The following ADGRE3 variants were observed in gnomAD, a reference collection of about 807,000 sequenced individuals.
ADGRE3 encodes EGF-like module receptor 3.
ADGRE3 carries 88 observed loss-of-function variants against 80.1 expected under a neutral mutation model. That is an observed-to-expected ratio of 1.10 (90% CI 0.93 to 1.31). The LOEUF is 1.31. ADGRE3 is among the 40% of genes most tolerant of loss of function. ADGRE3 has a pLI of 0.00. For missense variants in ADGRE3, 715 were observed against 776.5 expected, an observed-to-expected ratio of 0.92 and a Z score of 0.94; for synonymous variants, 281 against 294.8, an observed-to-expected ratio of 0.95 and a Z score of 0.48.
chr19:14,617,247 T>C (rs151116645), downstream of ADGRE3, among the ~76,000 whole-genome samples: 1,137 of 151,754 alleles, frequency 7.5e-3, 16 homozygotes, highest in African/African-American at 0.027. Flanking sequence ...TTCTTTTCTT[T>C]TTTCTTTCTT....
the ADGRE3 span, among the ~76,000 whole-genome samples, chr19:14,607,449 C>T: frequency 6.6e-5 from 10 of 151,928 alleles, no homozygotes; most frequent in South Asian, 4.1e-4. Flanking sequence ...GTGATCTGCC[C>T]GCCTTGGCCT....
intron 10 of ADGRE3, among the ~76,000 whole-genome samples, chr19:14,640,897 C>T (rs550114936): frequency 9.9e-5 from 15 of 152,268 alleles, no homozygotes; most frequent in African/African-American, 1.7e-4. Flanking sequence ...TTTCGCCTCC[C>T]GCCATGATTC....
chr19:14,614,582 CT>C (rs879921980), downstream of ADGRE3, among the ~76,000 whole-genome samples: 168 of 143,650 alleles, frequency 1.2e-3, no homozygotes, highest in Non-Finnish European at 1.2e-3. Context: ...GCCCGCCAAT[CT>C]TTTTTTTTTT....
rs113352863 is a variant in ADGRE3 at position 14,666,172 on chromosome 19, T to C, written c.76+2630A>G. Among the ~76,000 whole-genome samples, 1,256 of 151,450 alleles carry C rather than the reference T, an allele frequency of 8.3e-3. 17 individuals carry two copies. The highest frequency in any genetic ancestry group is 0.029 in the African/African-American group (1,202 of 41,358). On this transcript the variant is annotated intron_variant, in intron 2 of 15. Coordinates refer to ENST00000253673, the MANE Select transcript of ADGRE3 (RefSeq NM_032571.5). ...AGCTACTTTTAGTTCTTTAAGGAAT[T>C]TCCACAATGTTTTCCACAGTGGTTG...
chr19:14,671,748 A>C (rs1038480406), intron 1 of ADGRE3, among the ~76,000 whole-genome samples: 4 of 152,044 alleles, frequency 2.6e-5, no homozygotes, highest in Non-Finnish European at 5.9e-5. Context: ...TGTCAGGCTG[A>C]TGTTTCCTTT....
intron 1 of ADGRE3, among the ~76,000 whole-genome samples, chr19:14,669,123 G>A (rs1307109899): frequency 6.6e-6 from 1 of 152,102 alleles, no homozygotes. Context: ...TACATTTACA[G>A]CAGCATTATT....
At chr19:14,651,698 G>A (rs1278695319) in intron 6 of ADGRE3, among the ~76,000 whole-genome samples, 1 of 152,114 alleles carries the variant, frequency 6.6e-6, no homozygotes, top group Non-Finnish European at 1.5e-5. Context: ...TGATAATGGT[G>A]GAAAATGGGG....
At chr19:14,610,482 C>A in the ADGRE3 span, 1 of 409,606 alleles carries the variant, frequency 2.4e-6, no homozygotes, top group South Asian at 2.6e-5. Flanking sequence ...AGTTCCTGAT[C>A]ATGACTCTTG....
chr19:14,664,967 C>T (rs983260608), intron 2 of ADGRE3, among the ~76,000 whole-genome samples: 1 of 150,992 alleles, frequency 6.6e-6, no homozygotes, highest in African/African-American at 2.4e-5. Flanking sequence ...GTTATAGGAA[C>T]ATATTACACA....
chr19:14,656,134 T>G (rs1433270999), intron 5 of ADGRE3, among the ~76,000 whole-genome samples: 2 of 151,628 alleles, frequency 1.3e-5, no homozygotes, highest in African/African-American at 4.8e-5. Context: ...TCATCTGAGG[T>G]CAGGAGTTCA....
At chr19:14,643,156 T>G (rs542792142) in intron 9 of ADGRE3, among the ~76,000 whole-genome samples, 4 of 150,340 alleles carry the variant, frequency 2.7e-5, no homozygotes, top group Admixed American at 1.3e-4. Context: ...TTTTTTTTTT[T>G]TTTTTTTTTA....
At chr19:14,620,480 CA>C (rs1970529988) in intron 15 of ADGRE3, among the ~76,000 whole-genome samples, 1 of 22,602 alleles carries the variant, frequency 4.4e-5, no homozygotes, top group Non-Finnish European at 8.4e-5. Flanking sequence ...ATTATGAGTA[CA>C]TATGAATATA....
chr19:14,633,727 AT>A (rs1381495033), intron 11 of ADGRE3, among the ~76,000 whole-genome samples: 12 of 148,848 alleles, frequency 8.1e-5, no homozygotes, highest in African/African-American at 3.0e-4. Flanking sequence ...ATAAAATAAA[AT>A]AAAATAAAAT....
intron 6 of ADGRE3, among the ~76,000 whole-genome samples, chr19:14,654,645 G>GT (rs1472242790): frequency 6.6e-6 from 1 of 152,018 alleles, no homozygotes; most frequent in East Asian, 1.9e-4. Flanking sequence ...CTTTATTGAG[G>GT]TATAATTGAT....
chr19:14,666,377 T>G (rs974316599), intron 2 of ADGRE3, among the ~76,000 whole-genome samples: 4 of 70,804 alleles, frequency 5.6e-5, no homozygotes, highest in Non-Finnish European at 9.6e-5. Flanking sequence ...TTTCTTGGCC[T>G]ATTTTTTTTT....
chr19:14,648,784 T>C (rs1174961653), intron 7 of ADGRE3, among the ~76,000 whole-genome samples: 2 of 152,278 alleles, frequency 1.3e-5, no homozygotes, highest in East Asian at 1.9e-4. Context: ...CCTCAGACTC[T>C]CTTTGGATTC....
At chr19:14,600,743 GGC>G in the ADGRE3 span, among the ~76,000 whole-genome samples, 31 of 151,356 alleles carry the variant, frequency 2.0e-4, no homozygotes, top group Middle Eastern at 3.4e-3. Flanking sequence ...CACCACGCCC[GGC>G]TAATTTTGTT....
intron 11 of ADGRE3, among the ~76,000 whole-genome samples, chr19:14,636,650 T>A (rs531418840): frequency 2.8e-4 from 43 of 152,250 alleles, no homozygotes; most frequent in African/African-American, 9.9e-4. Context: ...CAAGCCAAAC[T>A]TGCAGCACAT....
intron 15 of ADGRE3, among the ~76,000 whole-genome samples, chr19:14,620,568 A>ATATATATATATATAT (rs1435435269): frequency 9.0e-5 from 1 of 11,054 alleles, no homozygotes; most frequent in African/African-American, 4.1e-4. Flanking sequence ...ATATATATAT[A>ATATATATATATATAT]TTTTTTTTTT....
Sources: gnomAD v4.1 joint callset for allele counts (sites outside exome capture counted in the v4.1 genomes callset) on GRCh38, gnomAD v4.1.1 for gene constraint, MANE v1.5 for transcripts, NCBI Gene and HGNC (gene_info 2026-07-23, HGNC 2026-07-21) for gene names.